Variants in SAFB observed in about 807,000 individuals in gnomAD.
SAFB encodes the protein scaffold attachment factor B.
SAFB carries 15 observed loss-of-function variants against 101.6 expected under a neutral mutation model. The observed-to-expected ratio is 0.15, with a 90% confidence interval of 0.10 to 0.23. The LOEUF (loss-of-function observed/expected upper bound fraction) is 0.23, where lower values mean the gene tolerates loss of function less well. Among genes scored for constraint, SAFB ranks in the 10% least tolerant of loss-of-function variants. SAFB has a pLI of 1.00. For missense variants in SAFB, 930 were observed against 1,104.1 expected (o/e 0.84, Z 2.23); for synonymous variants, 449 against 407.5 (o/e 1.10, Z -1.23).
chr19:5,641,512 C>T, intron 2 of SAFB, 82 bp from the exon 3 acceptor site: 2 of 1,122,770 alleles, frequency 1.8e-6, no homozygotes, highest in Non-Finnish European at 2.7e-6. Context: ...ATAAAGTGAC[C>T]ACTTGTGTAG....
At chr19:5,635,193 G>A (rs1352407115) in intron 2 of SAFB, among the ~76,000 whole-genome samples, 4 of 152,062 alleles carry the variant, frequency 2.6e-5, no homozygotes, top group African/African-American at 9.7e-5. Context: ...AAGGGTATTG[G>A]GGAAGGTGTA....
In SAFB at chr19:5,641,990, A is replaced by C. The variant is rs187821467; in HGVS notation, c.546+44A>C. On this transcript the variant is annotated intron_variant, in intron 4 of 20. Transcript: ENST00000588852. ...CTCTAGAATGTGCCCTGAATGTATC[A>C]GTTCCACAATTAAAATAGGTGATCA... is the stretch of plus-strand genomic sequence containing the variant. The C allele has an allele frequency of 2.3e-3, 3,417 of 1,467,728 alleles. 13 individuals carry two copies. The highest frequency in any genetic ancestry group is 2.7e-3 in the Non-Finnish European group (2,781 of 1,047,722). The allele number at this position is 1,467,728 out of a possible 1,614,324, so 90.9% of individuals were successfully genotyped here.
intron 14 of SAFB, among the ~76,000 whole-genome samples, chr19:5,658,074 C>T (rs1041642562): frequency 8.6e-5 from 13 of 151,724 alleles, no homozygotes; most frequent in Admixed American, 1.3e-4. Flanking sequence ...CTCAGCTCAC[C>T]GCAGCCTCCA....
At chr19:5,628,257 A>G (rs540220866) in intron 2 of SAFB, among the ~76,000 whole-genome samples, 3 of 152,294 alleles carry the variant, frequency 2.0e-5, no homozygotes, top group Non-Finnish European at 4.4e-5. Context: ...CCCCTAAAAA[A>G]AAGAATCAGC....
At chr19:5,630,093 G>A (rs1219472248) in intron 2 of SAFB, among the ~76,000 whole-genome samples, 3 of 152,242 alleles carry the variant, frequency 2.0e-5, no homozygotes, top group Non-Finnish European at 4.4e-5. Context: ...ACCAACAATG[G>A]GTGACGGTGC....
At chr19:5,653,738 C>T (rs953441481) in intron 11 of SAFB, among the ~76,000 whole-genome samples, 2 of 151,280 alleles carry the variant, frequency 1.3e-5, no homozygotes, top group Non-Finnish European at 2.9e-5. Context: ...GCTCGGATTA[C>T]AGGCGTGAGC....
At chr19:5,652,699 G>A (rs1380672271) in intron 9 of SAFB, among the ~76,000 whole-genome samples, 1 of 152,160 alleles carries the variant, frequency 6.6e-6, no homozygotes, top group Non-Finnish European at 1.5e-5. Flanking sequence ...ACGGCTCACA[G>A]ACCTTTCCTT....
chr19:5,652,050 G>T (rs531556798), intron 9 of SAFB, among the ~76,000 whole-genome samples: 1 of 152,090 alleles, frequency 6.6e-6, no homozygotes, highest in African/African-American at 2.4e-5. Flanking sequence ...GAAATTAGCC[G>T]GGCGTGGTGG....
At chr19:5,664,268 C>A in intron 16 of SAFB, 109 bp downstream of exon 16, 3 of 1,433,946 alleles carry the variant, frequency 2.1e-6, no homozygotes, top group Non-Finnish European at 2.9e-6. Flanking sequence ...CAGATGTATG[C>A]TGAGTCAGAC....
Position 5,641,720 on chromosome 19 carries a change from T to C in SAFB, c.340-20T>C. ...GGACCAGTGGCGGTCACATGATGGT[T>C]CGGTCTGGTTGTGTCACAGGAGGAT... is the stretch of plus-strand genomic sequence containing the variant. On this transcript the variant is annotated intron_variant, in intron 3 of 20. Coordinates refer to ENST00000588852, the MANE Select transcript of SAFB (RefSeq NM_001201338.2). The C allele has an allele frequency of 6.2e-7, 1 of 1,613,826 alleles. No homozygotes were observed. The highest frequency in any genetic ancestry group is 8.5e-7 in the Non-Finnish European group (1 of 1,179,776).
At chr19:5,627,211 GTC>G (rs1044153493) in intron 2 of SAFB, among the ~76,000 whole-genome samples, 7 of 151,628 alleles carry the variant, frequency 4.6e-5, no homozygotes, top group Non-Finnish European at 5.9e-5. Context: ...GGGGCACAGT[GTC>G]TCTCACCTGT....
chr19:5,643,483 C>A (rs1040036887), intron 4 of SAFB, among the ~76,000 whole-genome samples: 1 of 152,064 alleles, frequency 6.6e-6, no homozygotes, highest in Non-Finnish European at 1.5e-5. Flanking sequence ...TATTCTGATA[C>A]AAATAGGGTG....
At chr19:5,624,345 G>A (rs1191575596) in intron 1 of SAFB, among the ~76,000 whole-genome samples, 2 of 151,948 alleles carry the variant, frequency 1.3e-5, no homozygotes, top group Admixed American at 6.5e-5. Context: ...CTCGGTGTGT[G>A]GTTGCCATCA....
intron 2 of SAFB, among the ~76,000 whole-genome samples, chr19:5,628,183 G>A (rs1316151176): frequency 6.6e-6 from 1 of 152,056 alleles, no homozygotes; most frequent in African/African-American, 2.4e-5. Flanking sequence ...CCCAGGAGGT[G>A]GAGGTTGCAC....
At chr19:5,656,064 G>A (rs1207128805) in intron 13 of SAFB, among the ~76,000 whole-genome samples, 2 of 151,984 alleles carry the variant, frequency 1.3e-5, no homozygotes, top group Non-Finnish European at 2.9e-5. Flanking sequence ...ATTAAATGTT[G>A]ATGAAATTCT....
intron 1 of SAFB, among the ~76,000 whole-genome samples, chr19:5,624,958 T>C (rs951440586): frequency 3.3e-5 from 5 of 152,178 alleles, no homozygotes; most frequent in African/African-American, 9.7e-5. Context: ...ATCCTTTTTT[T>C]CTCCCTGGAC....
chr19:5,656,365 G>A (rs955163089), intron 13 of SAFB, among the ~76,000 whole-genome samples: 7 of 151,830 alleles, frequency 4.6e-5, no homozygotes, highest in Admixed American at 6.6e-5. Context: ...TCCACCTCCC[G>A]GGGGTTTTTA....
Position 5,668,212 on chromosome 19 carries a change from A to G in SAFB, c.2675A>G (p.His892Arg). 1 of 1,608,438 alleles carries G rather than the reference A, an allele frequency of 6.2e-7. No individual in the cohort carries two copies. The highest frequency in any genetic ancestry group is 8.5e-7 in the Non-Finnish European group (1 of 1,178,620). ...GGASRGHPIP[H>R]GGMQGGFGGQ... ...GCCTCCCGGGGCCACCCCATCCCAC[A>G]CGGTGGCATGCAGGGCGGGTTTGGA... is the stretch of plus-strand genomic sequence containing the variant. Residue 892 changes from histidine (H) to arginine (R), a missense_variant, in exon 21 of 21, where the codon CAC (histidine) becomes CGC (arginine). This residue lies in a region of SAFB where 318 missense variants were observed against 342.6 expected (regional missense o/e 0.93). Coordinates refer to ENST00000588852, the MANE Select transcript of SAFB (RefSeq NM_001201338.2).
intron 7 of SAFB, 71 bp from the exon 8 acceptor site, chr19:5,649,855 G>A (rs984214477): frequency 1.3e-5 from 18 of 1,412,488 alleles, no homozygotes; most frequent in Middle Eastern, 1.7e-4. Flanking sequence ...ACCTCAGCAC[G>A]AATTTTATGG....
Sources: gnomAD v4.1 joint callset for allele counts (sites outside exome capture counted in the v4.1 genomes callset) on GRCh38, gnomAD v4.1.1 for gene constraint, gnomAD v4.1.1 regional missense constraint, MANE v1.5 for transcripts, NCBI Gene and HGNC (gene_info 2026-07-23, HGNC 2026-07-21) for gene names.